The following GPHN variants were observed in gnomAD, a reference collection of about 807,000 sequenced individuals.
The protein encoded by GPHN is gephyrin.
A neutral mutation model predicts 95.5 loss-of-function variants in GPHN; 17 were observed. The observed-to-expected ratio is 0.18, with a 90% CI of 0.12 to 0.27. The LOEUF is 0.27. Among genes scored for constraint, GPHN ranks in the 10% least tolerant of loss-of-function variants. The pLI is 1.00. For synonymous variants in GPHN, 320 were observed against 322.5 expected (o/e 0.99, Z 0.08); for missense variants, 660 against 978.1 (o/e 0.67, Z 4.34).
intron 1 of GPHN, among the ~76,000 whole-genome samples, chr14:66,511,853 C>T (rs888354580): frequency 6.6e-6 from 1 of 151,508 alleles, no homozygotes; most frequent in Non-Finnish European, 1.5e-5. Flanking sequence ...TTTTTTAAAT[C>T]AGGAAAATGA....
intron 1 of GPHN, among the ~76,000 whole-genome samples, chr14:66,670,621 C>T (rs184810519): frequency 6.6e-6 from 1 of 152,006 alleles, no homozygotes; most frequent in Non-Finnish European, 1.5e-5. Context: ...GAAACCCAGT[C>T]TTAACAAAAA....
chr14:67,159,659 A>G (rs1207437154), intron 19 of GPHN, among the ~76,000 whole-genome samples, 171 bp downstream of exon 19: 5 of 152,240 alleles, frequency 3.3e-5, no homozygotes, highest in African/African-American at 1.2e-4. Flanking sequence ...TGAAATAGGA[A>G]TTCATCTTCC....
the GPHN span, chr14:67,346,005 T>C: frequency 9.4e-6 from 6 of 639,514 alleles, no homozygotes; most frequent in Admixed American, 2.7e-5. Context: ...AATGTAAACA[T>C]GAAGTGCCTA....
intron 1 of GPHN, among the ~76,000 whole-genome samples, chr14:66,539,205 T>A (rs1273993453): frequency 2.0e-5 from 3 of 151,642 alleles, no homozygotes; most frequent in Non-Finnish European, 4.4e-5. Context: ...TGTCATGTGT[T>A]TTTTGCGGTT....
chr14:66,755,725 T>C (rs1342685270), intron 2 of GPHN, among the ~76,000 whole-genome samples: 1 of 152,088 alleles, frequency 6.6e-6, no homozygotes, highest in East Asian at 1.9e-4. Flanking sequence ...ATAAAATACT[T>C]CCCTCCCCAA....
At chr14:66,755,233 T>C (rs1035356313) in intron 2 of GPHN, among the ~76,000 whole-genome samples, 1 of 152,114 alleles carries the variant, frequency 6.6e-6, no homozygotes, top group African/African-American at 2.4e-5. Context: ...AATGGTGTTT[T>C]CTTGTAGGAA....
chr14:66,948,342 A>T (rs2067882316), intron 8 of GPHN, among the ~76,000 whole-genome samples: 1 of 152,204 alleles, frequency 6.6e-6, no homozygotes. Context: ...TTTATAAAAA[A>T]GATCTCTTGA....
intron 3 of GPHN, among the ~76,000 whole-genome samples, chr14:66,804,187 A>C (rs569170294): frequency 3.9e-5 from 6 of 152,338 alleles, no homozygotes; most frequent in Admixed American, 2.6e-4. Context: ...CAATCCCATC[A>C]GGAATTGAGC....
At chr14:67,549,918 T>TA in the GPHN span, among the ~76,000 whole-genome samples, 3 of 152,206 alleles carry the variant, frequency 2.0e-5, no homozygotes, top group Non-Finnish European at 2.9e-5. Context: ...ATGTGATTCT[T>TA]ACGCCCTTGA....
intron 1 of GPHN, among the ~76,000 whole-genome samples, chr14:66,532,603 T>A (rs2058988222): frequency 6.6e-6 from 1 of 152,214 alleles, no homozygotes; most frequent in Non-Finnish European, 1.5e-5. Flanking sequence ...CATGAGATTG[T>A]TTTGGTTGCA....
chr14:67,411,576 C>G, the GPHN span, among the ~76,000 whole-genome samples: 1 of 152,128 alleles, frequency 6.6e-6, no homozygotes, highest in South Asian at 2.1e-4. Context: ...AGCAGGGCTG[C>G]TGGGAGGATG....
chr14:66,675,642 G>T (rs2066545700), intron 1 of GPHN, among the ~76,000 whole-genome samples: 1 of 151,528 alleles, frequency 6.6e-6, no homozygotes, highest in African/African-American at 2.4e-5. Flanking sequence ...GTCTATTTTT[G>T]TTTTTATTGC....
At chr14:67,635,081 C>CA in the GPHN span, among the ~76,000 whole-genome samples, 4 of 151,914 alleles carry the variant, frequency 2.6e-5, no homozygotes, top group Non-Finnish European at 5.9e-5. Context: ...CTTGTCTCTA[C>CA]AAAAAAATAT....
the GPHN span, chr14:67,653,432 C>T: frequency 1.9e-6 from 3 of 1,613,538 alleles, no homozygotes; most frequent in East Asian, 2.2e-5. Context: ...TTTAATAAAA[C>T]TTACTTTCTG....
chr14:67,582,718 T>G, the GPHN span, among the ~76,000 whole-genome samples: 1 of 152,028 alleles, frequency 6.6e-6, no homozygotes. This position sits in a 1 kb window ranked among gnomAD's most constrained non-coding sequence, Gnocchi z 5.0. Context: ...GCGCCTGTAA[T>G]CCCAGCTACT....
At chr14:67,158,958 G>A (rs1428015042) in intron 18 of GPHN, among the ~76,000 whole-genome samples, 2 of 152,156 alleles carry the variant, frequency 1.3e-5, no homozygotes, top group Non-Finnish European at 2.9e-5. Flanking sequence ...AAGCAGAATG[G>A]TGTAGGATAC....
At chr14:66,933,111 T>G (rs2066915084) in intron 8 of GPHN, among the ~76,000 whole-genome samples, 1 of 152,258 alleles carries the variant, frequency 6.6e-6, no homozygotes, top group Non-Finnish European at 1.5e-5. Flanking sequence ...GTTTTATAAG[T>G]AGACTCACAT....
the GPHN span, among the ~76,000 whole-genome samples, chr14:67,231,347 G>C: frequency 6.6e-6 from 1 of 152,068 alleles, no homozygotes; most frequent in Admixed American, 6.5e-5. Flanking sequence ...TTTGAGACAG[G>C]ATCTTGTTCT....
At chr14:67,325,848 G>A in the GPHN span, among the ~76,000 whole-genome samples, 5 of 149,642 alleles carry the variant, frequency 3.3e-5, no homozygotes, top group African/African-American at 1.2e-4. Context: ...TTACTCTGTC[G>A]CCCAGGCTGG....
Sources: allele counts gnomAD v4.1 joint callset (sites outside exome capture counted in the v4.1 genomes callset), GRCh38; gene constraint gnomAD v4.1.1; non-coding constraint Gnocchi (gnomAD v3.1); transcripts MANE v1.5; gene names NCBI Gene and HGNC (gene_info 2026-07-23, HGNC 2026-07-21).